CDH13: variants seen among roughly 807,000 people sequenced by gnomAD.
The protein encoded by CDH13 is cadherin-13.
CDH13 carries 24 observed loss-of-function variants against 63.8 expected under a neutral mutation model. That is an observed-to-expected ratio of 0.38 (90% CI 0.27 to 0.53). The LOEUF (loss-of-function observed/expected upper bound fraction) is 0.53, where lower values mean the gene tolerates loss of function less well. Among genes scored for constraint, CDH13 ranks in the 20% least tolerant of loss-of-function variants. The probability of loss-of-function intolerance (pLI) is 0.85; values close to 1 mark genes in which losing one functional copy is unlikely to be tolerated. For synonymous variants in CDH13, 503 were observed against 355.3 expected, an observed-to-expected ratio of 1.42 and a Z score of -4.67; for missense variants, 1,049 against 903.1, an observed-to-expected ratio of 1.16 and a Z score of -2.07.
chr16:83,153,841 G>C (rs1477907826), intron 4 of CDH13, among the ~76,000 whole-genome samples: 1 of 152,076 alleles, frequency 6.6e-6, no homozygotes, highest in Non-Finnish European at 1.5e-5. Flanking sequence ...GGTAGGCCTA[G>C]GAAACTAATA....
intron 4 of CDH13, among the ~76,000 whole-genome samples, chr16:83,176,059 A>T (rs1015291197): frequency 1.3e-5 from 2 of 149,860 alleles, no homozygotes; most frequent in Admixed American, 1.3e-4. Flanking sequence ...CATGTAGGTC[A>T]GGCTGGTCTT....
chr16:83,665,577 T>C (rs779876697), intron 8 of CDH13, among the ~76,000 whole-genome samples: 2 of 152,226 alleles, frequency 1.3e-5, no homozygotes, highest in Admixed American at 6.5e-5. Context: ...TGAGACCCTA[T>C]AATTTTTTTA....
chr16:83,200,912 G>C (rs375675333), intron 4 of CDH13, among the ~76,000 whole-genome samples: 1 of 144,102 alleles, frequency 6.9e-6, no homozygotes, highest in African/African-American at 2.6e-5. Context: ...AGATTCTCTA[G>C]TCTTAAAAAT....
chr16:83,492,863 C>T (rs916901034), intron 7 of CDH13, among the ~76,000 whole-genome samples: 1 of 152,156 alleles, frequency 6.6e-6, no homozygotes, highest in Admixed American at 6.5e-5. Flanking sequence ...CCACTGGTAA[C>T]CGTAACCACT....
rs112013695 is a variant in CDH13 at position 83,467,723 on chromosome 16, G to T, written c.782-18754G>T. Among the ~76,000 whole-genome samples the T allele has an allele frequency of 3.5e-3, 539 of 152,240 alleles. 4 individuals carry two copies. Among genetic ancestry groups the T allele is most frequent in the African/African-American group, 0.012 (516 of 41,546 alleles). The stretch of plus-strand genomic sequence containing the variant: ...CCTGGCTGCAGAACACAGCCCCCAA[G>T]CAGAGATGCTGAGTCCTCAGGACCC... On this transcript the variant is annotated intron_variant, in intron 6 of 13. Transcript: ENST00000567109.
At chr16:83,259,059 G>T (rs1225310460) in intron 5 of CDH13, among the ~76,000 whole-genome samples, 2 of 152,166 alleles carry the variant, frequency 1.3e-5, no homozygotes, top group Non-Finnish European at 1.5e-5. Flanking sequence ...TGGGAAGGGG[G>T]AAAATGTGTC....
At chr16:83,138,939 A>G (rs1453903731) in intron 4 of CDH13, among the ~76,000 whole-genome samples, 9 of 152,160 alleles carry the variant, frequency 5.9e-5, no homozygotes, top group Non-Finnish European at 1.3e-4. Context: ...GTGAGGAGGT[A>G]GAGGAAGGTC....
intron 5 of CDH13, among the ~76,000 whole-genome samples, chr16:83,324,072 C>G (rs536755172): frequency 5.5e-5 from 8 of 145,680 alleles, no homozygotes; most frequent in African/African-American, 1.8e-4. Context: ...GAGTCTCACT[C>G]TGTTACCCAA....
At chr16:83,399,471 C>G (rs1010477984) in intron 6 of CDH13, among the ~76,000 whole-genome samples, 5 of 152,266 alleles carry the variant, frequency 3.3e-5, no homozygotes, top group Admixed American at 2.6e-4. Context: ...GTCAGATGGC[C>G]TTTCTCAAAT....
chr16:83,417,123 G>C (rs562660769), intron 6 of CDH13, among the ~76,000 whole-genome samples: 1 of 152,294 alleles, frequency 6.6e-6, no homozygotes, highest in Non-Finnish European at 1.5e-5. Context: ...ATGAGGAAAA[G>C]AGAGGTTAAT....
intron 2 of CDH13, among the ~76,000 whole-genome samples, chr16:83,027,676 G>A (rs753252997): frequency 6.6e-6 from 1 of 152,160 alleles, no homozygotes; most frequent in African/African-American, 2.4e-5. Context: ...GAGAATCCAA[G>A]GCTTCCTCCA....
At chr16:82,882,509 G>T (rs934985058) in intron 2 of CDH13, among the ~76,000 whole-genome samples, 4 of 152,196 alleles carry the variant, frequency 2.6e-5, no homozygotes, top group African/African-American at 9.7e-5. Context: ...CATGGTCACC[G>T]CTGCAGGGTA....
intron 5 of CDH13, among the ~76,000 whole-genome samples, chr16:83,323,679 C>T (rs13336933): frequency 0.31 from 47,110 of 152,006 alleles, 7,429 homozygotes; most frequent in East Asian, 0.46. Flanking sequence ...TTATTTTCTA[C>T]CTGTCTGAAT....
chr16:83,159,632 T>C (rs1413360199), intron 4 of CDH13, among the ~76,000 whole-genome samples: 5 of 152,206 alleles, frequency 3.3e-5, no homozygotes, highest in Non-Finnish European at 5.9e-5. Context: ...GATATTTCCA[T>C]TGTTGGGTCA....
At position 83,536,375 on chromosome 16, in the gene CDH13, T is replaced by C. The variant is rs190755666; in HGVS notation, c.960+49720T>C. ...ACCACGGTAGTCATGGAAGGTCTCC[T>C]TGTGGACGTGATCCTTGGGGTGAAT... On this transcript the variant is annotated intron_variant, in intron 7 of 13. Transcript: ENST00000567109. 2.6e-5 allele frequency among the ~76,000 whole-genome samples: 4 copies of C among 152,244 alleles called. No homozygotes were observed. The East Asian group carries it at 7.7e-4, about 29-fold the overall frequency.
chr16:82,641,795 G>A (rs1316911993), intron 1 of CDH13, among the ~76,000 whole-genome samples: 1 of 152,202 alleles, frequency 6.6e-6, no homozygotes, highest in Non-Finnish European at 1.5e-5. Context: ...AAATGAGTAA[G>A]ACAGGCCAAG....
intron 6 of CDH13, among the ~76,000 whole-genome samples, chr16:83,442,052 A>G (rs1361252396): frequency 6.6e-6 from 1 of 152,118 alleles, no homozygotes; most frequent in East Asian, 1.9e-4. Context: ...GTCCACAAGC[A>G]AAATAGCCAT....
chr16:83,039,458 C>T (rs1274943138), intron 3 of CDH13, among the ~76,000 whole-genome samples: 1 of 152,182 alleles, frequency 6.6e-6, no homozygotes, highest in Non-Finnish European at 1.5e-5. Flanking sequence ...AGGATCTCCC[C>T]TACTGGTCTC....
At chr16:83,697,227 C>T (rs966137186) in intron 10 of CDH13, among the ~76,000 whole-genome samples, 8 of 152,220 alleles carry the variant, frequency 5.3e-5, no homozygotes, top group South Asian at 2.1e-4. Context: ...GTTCACCTGA[C>T]GTGCACATTC....
Sources: gnomAD v4.1 joint callset for allele counts (sites outside exome capture counted in the v4.1 genomes callset) on GRCh38, gnomAD v4.1.1 for gene constraint, MANE v1.5 for transcripts, NCBI Gene and HGNC (gene_info 2026-07-23, HGNC 2026-07-21) for gene names.